Variants in TCEANC2 observed in about 807,000 individuals in gnomAD.
The protein encoded by TCEANC2 is transcription elongation factor A N-terminal and central domain-containing protein 2.
A neutral mutation model predicts 22.8 loss-of-function variants in TCEANC2; 20 were observed. The ratio of observed to expected loss-of-function variants is 0.88; its 90% CI spans 0.62 to 1.28. The LOEUF is 1.28. Among genes scored for constraint, TCEANC2 ranks in the 50% most tolerant of loss-of-function variants. TCEANC2 has a pLI of 0.00. For synonymous variants in TCEANC2, 84 were observed against 95.5 expected, an observed-to-expected ratio of 0.88 and a Z score of 0.70; for missense variants, 251 against 249.7, an observed-to-expected ratio of 1.01 and a Z score of -0.03.
At chr1:54,064,858 C>T (rs1657919353) in intron 2 of TCEANC2, among the ~76,000 whole-genome samples, 1 of 151,926 alleles carries the variant, frequency 6.6e-6, no homozygotes. Flanking sequence ...TGCCACCATG[C>T]CCAGGTAATT....
intron 2 of TCEANC2, among the ~76,000 whole-genome samples, chr1:54,059,477 C>A (rs12085762): frequency 0.026 from 3,999 of 152,304 alleles, 119 homozygotes; most frequent in Middle Eastern, 0.078. Flanking sequence ...TTATTTACTT[C>A]TCTGCCCTTG....
intron 3 of TCEANC2, among the ~76,000 whole-genome samples, chr1:54,070,216 G>T (rs1358241489): frequency 2.6e-5 from 4 of 152,130 alleles, no homozygotes; most frequent in African/African-American, 9.7e-5. Context: ...TCTGCTGCTG[G>T]ATTTTGTCTT....
Position 54,104,321 on chromosome 1 carries a change from C to T in TCEANC2, c.*7848C>T, listed in dbSNP as rs1428543344. The T allele has an allele frequency of 5.4e-6, 1 of 185,622 alleles. No homozygotes were observed. Among genetic ancestry groups the T allele is most frequent in the Non-Finnish European group, 1.2e-5 (1 of 85,792 alleles). The allele number at this position is 185,622 out of a possible 1,614,324, so 11.5% of individuals were successfully genotyped here. A position where few individuals can be genotyped will look rare whatever the true frequency, so the allele number is the denominator to read the frequency against. On this transcript the variant is annotated 3_prime_UTR_variant, in exon 5 of 5. Coordinates refer to ENST00000234827, the MANE Select transcript of TCEANC2 (RefSeq NM_153035.3). ...GGAGGAACACTTCCACTAAAAGAAA[C>T]ATCAAGATTACTATGAACTATTAGC...
Position 54,054,238 on chromosome 1 carries a change from G to A in TCEANC2, c.-42-143G>A, listed in dbSNP as rs1657693667. The A allele has an allele frequency of 4.2e-6, 6 of 1,437,670 alleles. 1 individual carries two copies. In the Admixed American group the frequency reaches 1.2e-4, roughly 28 times the overall value. The allele number at this position is 1,437,670 out of a possible 1,614,324, so 89.1% of individuals were successfully genotyped here. A position where few individuals can be genotyped will look rare whatever the true frequency, so the allele number is the denominator to read the frequency against. ...TTCTTCGGAAGATCTTTCTTTTAAA[G>A]AGAAAATCTTACTTCCTGTCAATTC... On this transcript the variant is annotated intron_variant, in intron 1 of 4. Transcript: ENST00000234827.
At chr1:54,089,538 G>A (rs949250718) in intron 4 of TCEANC2, among the ~76,000 whole-genome samples, 5 of 152,088 alleles carry the variant, frequency 3.3e-5, no homozygotes, top group South Asian at 2.1e-4. Flanking sequence ...CTTATAAGCC[G>A]ATTAATACTC....
chr1:54,091,935 C>T (rs1658454176), intron 4 of TCEANC2, among the ~76,000 whole-genome samples: 1 of 152,210 alleles, frequency 6.6e-6, no homozygotes, highest in African/African-American at 2.4e-5. Flanking sequence ...TTATGAAACA[C>T]TGGCTGGTTG....
chr1:54,057,193 C>T (rs1237585002), intron 2 of TCEANC2, among the ~76,000 whole-genome samples: 1 of 150,500 alleles, frequency 6.6e-6, no homozygotes, highest in African/African-American at 2.4e-5. Flanking sequence ...CCATCCTTAA[C>T]TCTTTTTTCT....
At chr1:54,091,169 T>G (rs1416561774) in intron 4 of TCEANC2, among the ~76,000 whole-genome samples, 1 of 151,576 alleles carries the variant, frequency 6.6e-6, no homozygotes, top group African/African-American at 2.4e-5. Context: ...AAAAAATCAC[T>G]CTGCTTTCCT....
downstream of TCEANC2, among the ~76,000 whole-genome samples, chr1:54,109,561 A>G (rs982069610): frequency 6.6e-6 from 1 of 152,248 alleles, no homozygotes; most frequent in African/African-American, 2.4e-5. Context: ...TGGAGCACCT[A>G]TAGCACATCA....
chr1:54,079,392 G>A lies in TCEANC2; in HGVS notation c.245-9205G>A, dbSNP rs145119058. 1.3e-3 allele frequency among the ~76,000 whole-genome samples: 205 copies of A among 152,194 alleles called. 2 individuals carry two copies. Among genetic ancestry groups the A allele is most frequent in the African/African-American group, 4.6e-3 (193 of 41,544 alleles). ...AAATAATAAATGACAAAGCTAAAAT[G>A]TTCTTATACCATGTTATGCCATCTC... is the stretch of plus-strand genomic sequence containing the variant. On this transcript the variant is annotated intron_variant, in intron 3 of 4. Transcript: ENST00000234827.
intron 3 of TCEANC2, among the ~76,000 whole-genome samples, chr1:54,078,870 C>T (rs1017009489): frequency 2.0e-5 from 3 of 152,070 alleles, no homozygotes; most frequent in Non-Finnish European, 2.9e-5. Flanking sequence ...AGAGTCAGGG[C>T]GGTACATGGA....
chr1:54,097,208 C>T lies in TCEANC2; in HGVS notation c.*735C>T, dbSNP rs1658575530. ...TGAATTACTGCAGTAGAAAAAAGTACATACATATATATGTTAAAATGAAAT... is the reference window on the plus strand; with the variant it reads ...TGAATTACTGCAGTAGAAAAAAGTATATACATATATATGTTAAAATGAAAT... On this transcript the variant is annotated 3_prime_UTR_variant, in exon 5 of 5. Transcript: ENST00000234827. The T allele has an allele frequency of 6.5e-6, 1 of 152,924 alleles. No homozygotes were observed. The highest frequency in any genetic ancestry group is 6.5e-5 in the Admixed American group (1 of 15,282). The allele number at this position is 152,924 out of a possible 1,614,324, so 9.5% of individuals were successfully genotyped here.
intron 3 of TCEANC2, among the ~76,000 whole-genome samples, chr1:54,075,529 G>A (rs1446279707): frequency 1.3e-5 from 2 of 152,164 alleles, no homozygotes; most frequent in Non-Finnish European, 2.9e-5. Flanking sequence ...AGCCATTAGG[G>A]TATGGACTTT....
chr1:54,087,766 A>G (rs1658367750), intron 3 of TCEANC2, among the ~76,000 whole-genome samples: 1 of 152,236 alleles, frequency 6.6e-6, no homozygotes, highest in Admixed American at 6.5e-5. Flanking sequence ...AACAAACAAA[A>G]AACAACAACA....
chr1:54,097,916 G>T lies in TCEANC2; in HGVS notation c.*1443G>T, dbSNP rs747648533. 2.0e-5 allele frequency: 3 copies of T among 152,162 alleles called. No homozygotes were observed. The highest frequency in any genetic ancestry group is 6.5e-5 in the Admixed American group (1 of 15,280). The allele number at this position is 152,162 out of a possible 1,614,324, so 9.4% of individuals were successfully genotyped here. A position where few individuals can be genotyped will look rare whatever the true frequency, so the allele number is the denominator to read the frequency against. ...CACTGTGGTAACCATTTTACAAAAA[G>T]AAAATACCCAGTTAAACATGAGAAA... On this transcript the variant is annotated 3_prime_UTR_variant, in exon 5 of 5. Coordinates refer to ENST00000234827, the MANE Select transcript of TCEANC2 (RefSeq NM_153035.3).
chr1:54,062,101 A>C (rs1197081287), intron 2 of TCEANC2, among the ~76,000 whole-genome samples: 1 of 152,226 alleles, frequency 6.6e-6, no homozygotes, highest in Non-Finnish European at 1.5e-5. Flanking sequence ...TCAACTAGCC[A>C]ATATGTTGCC....
chr1:54,084,341 G>C (rs1343693360), intron 3 of TCEANC2, among the ~76,000 whole-genome samples: 1 of 152,076 alleles, frequency 6.6e-6, no homozygotes, highest in Non-Finnish European at 1.5e-5. Context: ...CTGCAAAGTA[G>C]TTATTGTTTA....
chr1:54,096,922 A>G lies in TCEANC2; in HGVS notation c.*449A>G. Reference sequence around the variant, plus strand: ...TTAGATAGCTCTGGTGCCTCTCAGAACTCCCCTGTCTGTTCTCTTTGCTCT... The same window carrying G: ...TTAGATAGCTCTGGTGCCTCTCAGAGCTCCCCTGTCTGTTCTCTTTGCTCT... On this transcript the variant is annotated 3_prime_UTR_variant, in exon 5 of 5. Coordinates refer to ENST00000234827, the MANE Select transcript of TCEANC2 (RefSeq NM_153035.3). This position sits in a 1 kb window ranked among gnomAD's most constrained non-coding sequence, Gnocchi z 4.9. The G allele has an allele frequency of 1.0e-6, 1 of 987,152 alleles. No homozygotes were observed. The highest frequency in any genetic ancestry group is 1.2e-6 in the Non-Finnish European group (1 of 830,950). The allele number at this position is 987,152 out of a possible 1,614,324, so 61.1% of individuals were successfully genotyped here. A position where few individuals can be genotyped will look rare whatever the true frequency, so the allele number is the denominator to read the frequency against.
intron 2 of TCEANC2, among the ~76,000 whole-genome samples, chr1:54,064,922 A>G (rs1657920642): frequency 6.6e-6 from 1 of 151,630 alleles, no homozygotes. Context: ...CTGGTCTCGA[A>G]CTCCTGACCT....
Sources: gnomAD v4.1 joint callset for allele counts (sites outside exome capture counted in the v4.1 genomes callset) on GRCh38, gnomAD v4.1.1 for gene constraint, Gnocchi (gnomAD v3.1) non-coding constraint, MANE v1.5 for transcripts, NCBI Gene and HGNC (gene_info 2026-07-23, HGNC 2026-07-21) for gene names.